AGPS: variants seen among roughly 807,000 people sequenced by gnomAD.
AGPS encodes alkylglycerone phosphate synthase.
AGPS carries 26 observed loss-of-function variants against 90.7 expected under a neutral mutation model. That is an observed-to-expected ratio of 0.29 (90% CI 0.21 to 0.40). The LOEUF (loss-of-function observed/expected upper bound fraction) is 0.40. Ranked by LOEUF, AGPS falls within the 10% of genes least tolerant of loss-of-function variation. The probability of loss-of-function intolerance (pLI) is 1.00; values close to 1 mark genes in which losing one functional copy is unlikely to be tolerated. For missense variants in AGPS, 540 were observed against 816.1 expected, an observed-to-expected ratio of 0.66 and a Z score of 4.12; for synonymous variants, 294 against 285.3, an observed-to-expected ratio of 1.03 and a Z score of -0.31.
intron 1 of AGPS, among the ~76,000 whole-genome samples, chr2:177,401,703 C>T (rs1041987855): frequency 6.6e-6 from 1 of 152,100 alleles, no homozygotes; most frequent in Non-Finnish European, 1.5e-5. Context: ...CAGCACCACG[C>T]CTGGCTAATT....
intron 1 of AGPS, among the ~76,000 whole-genome samples, chr2:177,404,788 A>G (rs1434850548): frequency 6.6e-6 from 1 of 152,158 alleles, no homozygotes; most frequent in Non-Finnish European, 1.5e-5. Context: ...CTATTAGACT[A>G]CTATTCTAAT....
intron 11 of AGPS, among the ~76,000 whole-genome samples, chr2:177,491,412 C>T (rs1171491454): frequency 6.6e-6 from 1 of 150,606 alleles, no homozygotes; most frequent in African/African-American, 2.4e-5. Context: ...GTGTGTGCCA[C>T]CATGTCTGAC....
intron 16 of AGPS, among the ~76,000 whole-genome samples, chr2:177,512,602 G>A (rs1242621324): frequency 6.6e-6 from 1 of 152,142 alleles, no homozygotes; most frequent in South Asian, 2.1e-4. Context: ...CTAGAGATAA[G>A]CCAACCTTTT....
At chr2:177,488,539 T>C (rs1298427149) in intron 11 of AGPS, among the ~76,000 whole-genome samples, 3 of 152,188 alleles carry the variant, frequency 2.0e-5, no homozygotes. Context: ...TGAGGTAGTG[T>C]GCTCTTAGCT....
intron 11 of AGPS, among the ~76,000 whole-genome samples, chr2:177,482,500 C>T (rs938918944): frequency 1.3e-5 from 2 of 151,762 alleles, no homozygotes; most frequent in Non-Finnish European, 2.9e-5. Context: ...CTTTTATTGA[C>T]TGTTATGTGT....
chr2:177,442,704 G>A (rs757721120), intron 7 of AGPS, among the ~76,000 whole-genome samples: 15 of 151,828 alleles, frequency 9.9e-5, no homozygotes, highest in Admixed American at 3.3e-4. Context: ...AAAATTAACC[G>A]AGTGTGGTGG....
intron 1 of AGPS, among the ~76,000 whole-genome samples, chr2:177,394,988 A>T (rs35917372): frequency 1.2e-4 from 19 of 152,240 alleles, no homozygotes; most frequent in Middle Eastern, 3.4e-3. Context: ...TAAATTTTCC[A>T]TAACTTGGTT....
At chr2:177,506,331 T>G (rs972289694) in intron 15 of AGPS, among the ~76,000 whole-genome samples, 2 of 151,792 alleles carry the variant, frequency 1.3e-5, no homozygotes, top group Admixed American at 6.6e-5. Flanking sequence ...CTCAGCTTTC[T>G]TGTTTTAATT....
At chr2:177,507,250 T>G (rs1293810757) in intron 15 of AGPS, among the ~76,000 whole-genome samples, 1 of 152,094 alleles carries the variant, frequency 6.6e-6, no homozygotes, top group Non-Finnish European at 1.5e-5. Flanking sequence ...ACTTAACATA[T>G]GTTGAGTTTT....
chr2:177,495,126 T>C (rs1309993638), intron 12 of AGPS, among the ~76,000 whole-genome samples: 1 of 152,242 alleles, frequency 6.6e-6, no homozygotes, highest in African/African-American at 2.4e-5. Flanking sequence ...TCATTGTGTA[T>C]ATTGAAATAA....
chr2:177,393,492 A>C (rs886347450), intron 1 of AGPS: 4 of 985,252 alleles, frequency 4.1e-6, no homozygotes, highest in Non-Finnish European at 4.8e-6. Flanking sequence ...GCTGTGGGGG[A>C]AACTGGTGGT....
intron 10 of AGPS, among the ~76,000 whole-genome samples, chr2:177,475,819 T>A (rs1022740163): frequency 2.6e-5 from 4 of 152,104 alleles, no homozygotes; most frequent in African/African-American, 7.2e-5. Flanking sequence ...GGAGTGGAGT[T>A]GCTGGCCATA....
intron 1 of AGPS, among the ~76,000 whole-genome samples, chr2:177,404,457 A>G (rs1459533794): frequency 2.0e-5 from 3 of 152,118 alleles, no homozygotes; most frequent in African/African-American, 4.8e-5. Flanking sequence ...AGCAGTTTTC[A>G]TTCCCTGCCG....
intron 1 of AGPS, among the ~76,000 whole-genome samples, chr2:177,401,381 A>C (rs1168553986): frequency 6.6e-6 from 1 of 152,144 alleles, no homozygotes; most frequent in African/African-American, 2.4e-5. Flanking sequence ...TTAATTCTGC[A>C]GTCACTCTGC....
At chr2:177,459,630 G>A (rs968768086) in intron 8 of AGPS, among the ~76,000 whole-genome samples, 3 of 152,228 alleles carry the variant, frequency 2.0e-5, no homozygotes, top group East Asian at 3.9e-4. Flanking sequence ...ACCATTTCAC[G>A]CCAGTTAGAA....
chr2:177,495,077 T>G (rs923381049), intron 12 of AGPS, among the ~76,000 whole-genome samples: 1 of 152,210 alleles, frequency 6.6e-6, no homozygotes, highest in African/African-American at 2.4e-5. Flanking sequence ...ATACATTATA[T>G]TGACATTATC....
chr2:177,454,246 T>G (rs543804449), intron 8 of AGPS, among the ~76,000 whole-genome samples: 1 of 152,130 alleles, frequency 6.6e-6, no homozygotes, highest in Non-Finnish European at 1.5e-5. Flanking sequence ...CACAGCGCAC[T>G]GCTACTCTTC....
rs553663004 is a variant in AGPS, at chr2:177,459,094, G to A, written c.871-2799G>A. 7.9e-4 allele frequency among the ~76,000 whole-genome samples: 121 copies of A among 152,280 alleles called. 2 individuals carry two copies. The South Asian group carries it at 0.014, about 18-fold the overall frequency. On this transcript the variant is annotated intron_variant, in intron 8 of 19. Coordinates refer to ENST00000264167, the MANE Select transcript of AGPS (RefSeq NM_003659.4). ...GGAAAGATTCCCTATTTAATCAATG[G>A]TGTTGGGAAAACTGGCTAGCCATAT...
chr2:177,402,500 C>T (rs1373569363), intron 1 of AGPS, among the ~76,000 whole-genome samples: 1 of 152,154 alleles, frequency 6.6e-6, no homozygotes, highest in African/African-American at 2.4e-5. Flanking sequence ...TTTTATTGTG[C>T]CATTGTCTGG....
Sources: gnomAD v4.1 joint callset for allele counts (sites outside exome capture counted in the v4.1 genomes callset) on GRCh38, gnomAD v4.1.1 for gene constraint, MANE v1.5 for transcripts, NCBI Gene and HGNC (gene_info 2026-07-23, HGNC 2026-07-21) for gene names.